PARD3: variants seen among roughly 807,000 people sequenced by gnomAD.
PARD3 encodes the protein partitioning defective 3 homolog.
Under a neutral mutation model 155.4 loss-of-function variants are expected in PARD3, and 75 were observed. The observed-to-expected ratio is 0.48, with a 90% CI of 0.40 to 0.58. PARD3 has a LOEUF of 0.58. Ranked by LOEUF, PARD3 falls within the 20% of genes least tolerant of loss-of-function variation. The probability of loss-of-function intolerance (pLI) is 0.00; values close to 1 mark genes in which losing one functional copy is unlikely to be tolerated. For synonymous variants in PARD3, 576 were observed against 610.5 expected, an observed-to-expected ratio of 0.94 and a Z score of 0.83; for missense variants, 1,642 against 1,721.7, an observed-to-expected ratio of 0.95 and a Z score of 0.82.
At chr10:34,563,529 CTAAT>C (rs1312938338) in intron 2 of PARD3, among the ~76,000 whole-genome samples, 3 of 105,626 alleles carry the variant, frequency 2.8e-5, no homozygotes. Flanking sequence ...ACCACGCCTG[CTAAT>C]TTTTTTTTTT....
chr10:34,438,940 C>G (rs545433076), intron 5 of PARD3, among the ~76,000 whole-genome samples: 237 of 152,128 alleles, frequency 1.6e-3, no homozygotes, highest in Non-Finnish European at 2.0e-3. Flanking sequence ...CACAATGAGA[C>G]AGGGGTTTGC....
intron 1 of PARD3, among the ~76,000 whole-genome samples, chr10:34,742,378 T>C (rs191347414): frequency 6.0e-4 from 91 of 152,330 alleles, no homozygotes; most frequent in Admixed American, 1.6e-3. Flanking sequence ...AACAGATTAA[T>C]AGACTGATTA....
intron 2 of PARD3, among the ~76,000 whole-genome samples, chr10:34,518,766 C>G (rs1276161912): frequency 6.6e-6 from 1 of 152,106 alleles, no homozygotes; most frequent in Non-Finnish European, 1.5e-5. Flanking sequence ...CAGGTAAAAT[C>G]TACTAATGGA....
chr10:34,175,318 G>T (rs554616282), intron 22 of PARD3, among the ~76,000 whole-genome samples: 1 of 152,170 alleles, frequency 6.6e-6, no homozygotes, highest in Non-Finnish European at 1.5e-5. Context: ...AAAATTGCCT[G>T]GATAACTTGG....
intron 22 of PARD3, among the ~76,000 whole-genome samples, chr10:34,157,908 A>G (rs568284207): frequency 6.6e-6 from 1 of 152,354 alleles, no homozygotes; most frequent in Non-Finnish European, 1.5e-5. Context: ...TCAAACTTTG[A>G]CCACAACCTA....
chr10:34,765,670 T>C (rs1431818543), intron 1 of PARD3, among the ~76,000 whole-genome samples: 3 of 121,422 alleles, frequency 2.5e-5, no homozygotes, highest in Non-Finnish European at 5.2e-5. Flanking sequence ...AGAGTAAGAC[T>C]CAAAAAAAAA....
intron 5 of PARD3, among the ~76,000 whole-genome samples, chr10:34,441,283 C>T (rs900753185): frequency 4.6e-5 from 7 of 152,118 alleles, no homozygotes; most frequent in Non-Finnish European, 8.8e-5. Context: ...AAGAAAACAT[C>T]TTATGAGTGT....
At chr10:34,466,435 T>C (rs1358318938) in intron 4 of PARD3, among the ~76,000 whole-genome samples, 1 of 152,186 alleles carries the variant, frequency 6.6e-6, no homozygotes, top group Non-Finnish European at 1.5e-5. Flanking sequence ...AGAATACAAC[T>C]TTCCTGCTTA....
chr10:34,193,765 G>A (rs1264501776), intron 22 of PARD3, among the ~76,000 whole-genome samples: 1 of 152,098 alleles, frequency 6.6e-6, no homozygotes, highest in Non-Finnish European at 1.5e-5. Context: ...ATCTTTACAA[G>A]AGCTCTAAGT....
chr10:34,802,943 C>G (rs1029045179), intron 1 of PARD3, among the ~76,000 whole-genome samples: 1 of 151,636 alleles, frequency 6.6e-6, no homozygotes, highest in African/African-American at 2.4e-5. Context: ...GTAGGACTCC[C>G]GACCAGGCAC....
At chr10:34,780,607 A>T (rs1485342188) in intron 1 of PARD3, among the ~76,000 whole-genome samples, 1 of 152,242 alleles carries the variant, frequency 6.6e-6, no homozygotes, top group African/African-American at 2.4e-5. Context: ...CATTAATAAA[A>T]GCACTGCTCA....
chr10:34,192,296 C>T (rs2133271946), intron 22 of PARD3, among the ~76,000 whole-genome samples: 1 of 152,064 alleles, frequency 6.6e-6, no homozygotes, highest in South Asian at 2.1e-4. Context: ...CAGGGTTTTG[C>T]CATGTTGCCC....
At chr10:34,545,526 T>C (rs1434913870) in intron 2 of PARD3, among the ~76,000 whole-genome samples, 1 of 152,122 alleles carries the variant, frequency 6.6e-6, no homozygotes, top group East Asian at 1.9e-4. Context: ...CCCTTAAACA[T>C]ACAGAAGAGG....
intron 19 of PARD3, 143 bp downstream of exon 19, chr10:34,330,971 CTTA>C (rs1835557127): frequency 1.1e-5 from 7 of 648,280 alleles, no homozygotes; most frequent in Non-Finnish European, 2.6e-6. Context: ...ATAATATCGT[CTTA>C]TTATGAAATA....
intron 19 of PARD3, among the ~76,000 whole-genome samples, chr10:34,324,340 A>C (rs1310164375): frequency 6.6e-6 from 1 of 152,222 alleles, no homozygotes; most frequent in Non-Finnish European, 1.5e-5. Flanking sequence ...TATACTAAAA[A>C]GTCTCGGATG....
At chr10:34,473,308 G>C (rs931399544) in intron 3 of PARD3, among the ~76,000 whole-genome samples, 1 of 152,114 alleles carries the variant, frequency 6.6e-6, no homozygotes, top group Non-Finnish European at 1.5e-5. Flanking sequence ...CAGGTGCCAC[G>C]TTTACATTTA....
chr10:34,650,105 T>C (rs1404089842), intron 2 of PARD3, among the ~76,000 whole-genome samples: 1 of 152,222 alleles, frequency 6.6e-6, no homozygotes, highest in African/African-American at 2.4e-5. Context: ...CAACGGGCTT[T>C]TTTTTAAAGA....
chr10:34,324,940 C>A (rs1338911923), intron 19 of PARD3, among the ~76,000 whole-genome samples: 2 of 152,174 alleles, frequency 1.3e-5, no homozygotes, highest in Non-Finnish European at 2.9e-5. Flanking sequence ...ATAAGCCACC[C>A]TCTACCCCAG....
chr10:34,584,066 C>T (rs2087763519), intron 2 of PARD3, among the ~76,000 whole-genome samples: 1 of 152,138 alleles, frequency 6.6e-6, no homozygotes, highest in Non-Finnish European at 1.5e-5. Context: ...TGTGAAGATA[C>T]AAGGATGCCT....
Sources: allele counts gnomAD v4.1 joint callset (sites outside exome capture counted in the v4.1 genomes callset), GRCh38; gene constraint gnomAD v4.1.1; transcripts MANE v1.5; gene names NCBI Gene and HGNC (gene_info 2026-07-23, HGNC 2026-07-21).